Variants in FSIP1 observed in about 807,000 individuals in gnomAD.
The protein encoded by FSIP1 is fibrous sheath interacting protein 1, also known as fibrous sheath-interacting protein 1.
Under a neutral mutation model 60.9 loss-of-function variants are expected in FSIP1, and 65 were observed. That is an observed-to-expected ratio of 1.07 (90% CI 0.87 to 1.31). The LOEUF is 1.31. Ranked by LOEUF, FSIP1 falls within the 40% of genes most tolerant of loss-of-function variation. The probability of loss-of-function intolerance (pLI) is 0.00; values close to 1 mark genes in which losing one functional copy is unlikely to be tolerated. For synonymous variants in FSIP1, 209 were observed against 221.2 expected (o/e 0.94, Z 0.49); for missense variants, 675 against 665.5 (o/e 1.01, Z -0.16).
intron 5 of FSIP1, among the ~76,000 whole-genome samples, chr15:39,750,632 C>T (rs1897135309): frequency 6.6e-6 from 1 of 151,836 alleles, no homozygotes; most frequent in Admixed American, 6.6e-5. Flanking sequence ...ACACAAAAAT[C>T]AACTCAAAGT....
chr15:39,765,856 A>G (rs1314842002), intron 3 of FSIP1, 110 bp from the exon 4 acceptor site: 11 of 587,562 alleles, frequency 1.9e-5, no homozygotes, highest in Non-Finnish European at 3.2e-5. Flanking sequence ...AGCTGATAGT[A>G]ATAACTACTA....
chr15:39,745,388 C>T (rs7166188), intron 5 of FSIP1, among the ~76,000 whole-genome samples: 4,624 of 152,022 alleles, frequency 0.03, 169 homozygotes, highest in African/African-American at 0.087. Flanking sequence ...GGCACATTTC[C>T]GGAAACAAAA....
Position 39,713,496 on chromosome 15 carries a change from T to C in FSIP1, c.1136A>G (p.His379Arg), listed in dbSNP as rs145334356. 2.2e-5 allele frequency: 36 copies of C among 1,611,370 alleles called. No individual in the cohort carries two copies. The African/African-American group carries it at 4.5e-4, about 20-fold the overall frequency. The change falls in exon 10 of 12, where the codon CAT becomes CGT. Residue 379 changes from histidine to arginine, a missense_variant. Physicochemically the swap from His to Arg is conservative, Grantham distance 29. Coordinates refer to ENST00000350221, the MANE Select transcript of FSIP1 (RefSeq NM_152597.5). ...TTCATCAATCTCTCTCAGCCGATTA[T>C]GCAGATCGCGTTGCTCTTTGGTGTT... ...LRNTKEQRDLHNRLREIDEKL... is the reference protein window; with the variant it reads ...LRNTKEQRDLRNRLREIDEKL...
chr15:39,628,598 A>AT (rs1486401110), intron 10 of FSIP1, among the ~76,000 whole-genome samples: 1 of 152,172 alleles, frequency 6.6e-6, no homozygotes, highest in African/African-American at 2.4e-5. Flanking sequence ...TCCTCGTGGC[A>AT]TTTTATACTC....
rs1463736162 is a variant in FSIP1, at chr15:39,765,768, A to G, written c.311-22T>C. ...TCATCTATATTGTGTTGAAAGTAAAAATAGGTTTGAAGTATAGTAAAACTA... is the reference window on the plus strand; with the variant it reads ...TCATCTATATTGTGTTGAAAGTAAAGATAGGTTTGAAGTATAGTAAAACTA... On this transcript the variant is annotated intron_variant, in intron 3 of 11. Transcript: ENST00000350221. The G allele has an allele frequency of 5.2e-6, 7 of 1,339,898 alleles. No individual in the cohort carries two copies. The Admixed American group carries it at 1.4e-4, about 27-fold the overall frequency. 83.0% of individuals were successfully genotyped at this position (1,339,898 alleles called of 1,614,324 possible).
chr15:39,660,963 C>T (rs769619260), intron 10 of FSIP1, among the ~76,000 whole-genome samples: 5 of 152,050 alleles, frequency 3.3e-5, no homozygotes, highest in African/African-American at 1.2e-4. Context: ...CTCAGGAGGC[C>T]GAGGCAGAAG....
At chr15:39,617,290 G>C (rs528328210) in intron 11 of FSIP1, among the ~76,000 whole-genome samples, 1 of 152,232 alleles carries the variant, frequency 6.6e-6, no homozygotes, top group African/African-American at 2.4e-5. Context: ...TGAGAACATA[G>C]GAGTGGCTCA....
intron 5 of FSIP1, among the ~76,000 whole-genome samples, chr15:39,751,530 T>C (rs1414161764): frequency 1.3e-5 from 2 of 151,354 alleles, no homozygotes; most frequent in African/African-American, 4.9e-5. Flanking sequence ...GACATAATAC[T>C]ATGTGAAATA....
chr15:39,777,273 C>G (rs1898094693), intron 1 of FSIP1, among the ~76,000 whole-genome samples: 2 of 152,084 alleles, frequency 1.3e-5, no homozygotes, highest in African/African-American at 4.8e-5. Context: ...TCTTCCCTCT[C>G]AGCTCTGATT....
intron 10 of FSIP1, among the ~76,000 whole-genome samples, chr15:39,695,744 C>T (rs1894788699): frequency 1.3e-5 from 2 of 152,194 alleles, no homozygotes; most frequent in African/African-American, 4.8e-5. Flanking sequence ...TGATGTTGAT[C>T]ATGTGTGTTT....
intron 10 of FSIP1, among the ~76,000 whole-genome samples, chr15:39,676,172 CAAAA>C (rs11369072): frequency 8.9e-6 from 1 of 112,852 alleles, no homozygotes; most frequent in Admixed American, 9.8e-5. Context: ...GACTCCATCT[CAAAA>C]AAAAAAAAAA....
chr15:39,621,411 T>C (rs556256729), intron 10 of FSIP1, among the ~76,000 whole-genome samples: 34 of 152,310 alleles, frequency 2.2e-4, no homozygotes, highest in Non-Finnish European at 4.9e-4. Context: ...CTGATCCTCC[T>C]GGGGGAAGCA....
intron 10 of FSIP1, among the ~76,000 whole-genome samples, chr15:39,655,868 T>C (rs1486478383): frequency 6.6e-6 from 1 of 152,154 alleles, no homozygotes; most frequent in African/African-American, 2.4e-5. Flanking sequence ...CAAGGATCAC[T>C]CACCAAGGCA....
intron 10 of FSIP1, among the ~76,000 whole-genome samples, chr15:39,665,821 A>G (rs1026333240): frequency 6.6e-6 from 1 of 152,216 alleles, no homozygotes; most frequent in African/African-American, 2.4e-5. Context: ...TACCACAGAG[A>G]GCTGAACAAA....
intron 9 of FSIP1, among the ~76,000 whole-genome samples, chr15:39,719,084 G>A (rs557687315): frequency 2.0e-5 from 3 of 152,202 alleles, no homozygotes; most frequent in South Asian, 2.1e-4. Flanking sequence ...TCAAATATTC[G>A]AAAAATACTG....
intron 5 of FSIP1, among the ~76,000 whole-genome samples, chr15:39,745,046 C>A (rs933395676): frequency 6.6e-6 from 1 of 151,876 alleles, no homozygotes; most frequent in African/African-American, 2.4e-5. Flanking sequence ...CCAAGCAGGA[C>A]AAGATACGCC....
At chr15:39,727,559 G>A (rs1295095307) in intron 8 of FSIP1, among the ~76,000 whole-genome samples, 4 of 152,200 alleles carry the variant, frequency 2.6e-5, no homozygotes, top group Admixed American at 1.3e-4. Context: ...AGAAGCAATA[G>A]CTATAATCTA....
At chr15:39,750,208 G>A (rs1312963490) in intron 5 of FSIP1, among the ~76,000 whole-genome samples, 1 of 151,808 alleles carries the variant, frequency 6.6e-6, no homozygotes. Flanking sequence ...TGGATCAAAG[G>A]ATTCAATATT....
chr15:39,774,547 A>G (rs1220677161), intron 2 of FSIP1, among the ~76,000 whole-genome samples: 1 of 152,176 alleles, frequency 6.6e-6, no homozygotes, highest in Non-Finnish European at 1.5e-5. Context: ...AACAAACAAT[A>G]TGGAAGAGCC....
Sources: gnomAD v4.1 joint callset for allele counts (sites outside exome capture counted in the v4.1 genomes callset) on GRCh38, gnomAD v4.1.1 for gene constraint, MANE v1.5 for transcripts, NCBI Gene and HGNC (gene_info 2026-07-23, HGNC 2026-07-21) for gene names.